Variants in OCA2 observed in about 807,000 individuals in gnomAD.
The protein encoded by OCA2 is OCA2 melanosomal transmembrane protein, also known as P protein.
A neutral mutation model predicts 100.2 loss-of-function variants in OCA2; 77 were observed. The observed-to-expected ratio is 0.77, with a 90% CI of 0.64 to 0.93. The LOEUF (loss-of-function observed/expected upper bound fraction) is 0.93. Among genes scored for constraint, OCA2 ranks in the 40% least tolerant of loss-of-function variants. OCA2 has a pLI of 0.00. For synonymous variants in OCA2, 432 were observed against 439.2 expected, an observed-to-expected ratio of 0.98 and a Z score of 0.21; for missense variants, 1,062 against 1,089.1, an observed-to-expected ratio of 0.98 and a Z score of 0.35.
At chr15:28,076,301 T>A (rs1428037653) in intron 2 of OCA2, among the ~76,000 whole-genome samples, 1 of 152,236 alleles carries the variant, frequency 6.6e-6, no homozygotes, top group African/African-American at 2.4e-5. Context: ...AACCAATCCA[T>A]GACAGATGTA....
At chr15:28,042,656 T>TAATAAATAAATA (rs764760430) in intron 2 of OCA2, among the ~76,000 whole-genome samples, 1 of 76,346 alleles carries the variant, frequency 1.3e-5, no homozygotes, top group East Asian at 5.7e-3. Context: ...AATAAATAAA[T>TAATAAATAAATA]AATAAATAAA....
chr15:27,734,108 C>G, the OCA2 span, among the ~76,000 whole-genome samples: 78 of 148,126 alleles, frequency 5.3e-4, no homozygotes, highest in African/African-American at 1.9e-3. Flanking sequence ...CGCAGTGGGC[C>G]AAGCTTACAC....
In OCA2 at chr15:27,957,798, T is replaced by C; in HGVS notation, c.1637-63A>G. ...ACCTCAGATATCAGCAACACCCTCC[T>C]CTGTTCCCCACACAGTCGATGCCTG... On this transcript the variant is annotated intron_variant, in intron 15 of 23. Coordinates refer to ENST00000354638, the MANE Select transcript of OCA2 (RefSeq NM_000275.3). This position sits in a 1 kb window ranked among gnomAD's most constrained non-coding sequence, Gnocchi z 4.3. 1 of 1,589,462 alleles carries C rather than the reference T, an allele frequency of 6.3e-7. No individual in the cohort carries two copies.
intron 2 of OCA2, among the ~76,000 whole-genome samples, chr15:28,034,610 TA>T (rs1025242649): frequency 6.6e-6 from 1 of 152,088 alleles, no homozygotes; most frequent in African/African-American, 2.4e-5. Flanking sequence ...ACCCTGTCTC[TA>T]AAAAAATTCA....
intron 1 of OCA2, among the ~76,000 whole-genome samples, chr15:28,086,054 A>G (rs1256719529): frequency 6.6e-6 from 1 of 152,230 alleles, no homozygotes; most frequent in Non-Finnish European, 1.5e-5. Flanking sequence ...CAAAAGGCTG[A>G]GTAGGGAGTT....
chr15:27,995,771 G>T (rs2041705557), intron 9 of OCA2, among the ~76,000 whole-genome samples: 1 of 151,006 alleles, frequency 6.6e-6, no homozygotes, highest in South Asian at 2.1e-4. Context: ...CATAACAGAA[G>T]GAAAATAGGG....
At chr15:27,831,271 C>T (rs548548546) in intron 23 of OCA2, among the ~76,000 whole-genome samples, 5 of 94,746 alleles carry the variant, frequency 5.3e-5, no homozygotes, top group South Asian at 4.5e-4. Flanking sequence ...GGTGACAGAG[C>T]GAGACTCCGT....
In OCA2 at chr15:27,845,044, TC is replaced by T; in HGVS notation, c.2346del (p.Thr783HisfsTer2). On this transcript the variant is annotated frameshift_variant, in exon 23 of 24. Transcript: ENST00000354638. LOFTEE classifies it high-confidence loss of function. The stretch of plus-strand genomic sequence containing the variant: ...ACGTTTGCCGACGCGCCAATCAGTG[TC>T]CCGTTACCTAAAGTCAAAATTTAAA... The part of the protein sequence containing the change: ...LAFGACLGGN[G>X]TLIGASANVV... 6.2e-7 allele frequency: 1 copy of T among 1,613,540 alleles called. No individual in the cohort carries two copies. Among genetic ancestry groups the T allele is most frequent in the Non-Finnish European group, 8.5e-7 (1 of 1,179,520 alleles).
intron 15 of OCA2, among the ~76,000 whole-genome samples, chr15:27,959,735 G>A (rs544468592): frequency 9.2e-5 from 14 of 152,274 alleles, no homozygotes; most frequent in Middle Eastern, 3.4e-3. Flanking sequence ...GTCTCTGTGC[G>A]ACTACTGCAG....
intron 23 of OCA2, among the ~76,000 whole-genome samples, chr15:27,784,216 C>T (rs1315776732): frequency 1.3e-5 from 2 of 152,122 alleles, no homozygotes; most frequent in African/African-American, 4.8e-5. Context: ...AAAGTGAGGA[C>T]GGAAAACACA....
Position 27,957,709 on chromosome 15 carries a change from G to T in OCA2, c.1663C>A (p.Arg555Ser). The change falls in exon 16 of 24, where the codon CGC becomes AGC. Residue 555 changes from arginine (R) to serine (S), a missense_variant. By Grantham distance (110) the Arg-to-Ser change is moderately radical. Transcript: ENST00000354638. This position sits in a 1 kb window ranked among gnomAD's most constrained non-coding sequence, Gnocchi z 4.3. ...GGGCTGATGCGCTGAGCAGTCAGGC[G>T]CCAGACGTGAATCTCGTGCTTCAGT... Reference protein sequence around the residue: ...VELKHEIHVWRLTAQRISPAS... With the variant: ...VELKHEIHVWSLTAQRISPAS... The T allele has an allele frequency of 6.2e-7, 1 of 1,613,114 alleles. No homozygotes were observed. Among genetic ancestry groups the T allele is most frequent in the South Asian group, 1.1e-5 (1 of 91,092 alleles).
chr15:28,015,060 G>A, intron 8 of OCA2, 131 bp from the exon 9 acceptor site: 2 of 967,964 alleles, frequency 2.1e-6, no homozygotes, highest in Non-Finnish European at 3.2e-6. Context: ...ACAGCTGGAA[G>A]AGCAGTGAGC....
intron 23 of OCA2, among the ~76,000 whole-genome samples, chr15:27,800,802 CA>C (rs36031742): frequency 0.026 from 3,551 of 137,722 alleles, 112 homozygotes; most frequent in African/African-American, 0.084. Context: ...CTATCTCTAC[CA>C]AAAAAAAAAA....
chr15:27,732,425 C>G, the OCA2 span, among the ~76,000 whole-genome samples: 1 of 152,142 alleles, frequency 6.6e-6, no homozygotes, highest in African/African-American at 2.4e-5. Context: ...CCCACCACAG[C>G]AGGCACAGTG....
chr15:27,990,468 G>A lies in OCA2; in HGVS notation c.1116+108C>T, dbSNP rs1394334750. On this transcript the variant is annotated intron_variant, in intron 10 of 23. Transcript: ENST00000354638. ...ATGGTTCTTGGGCAAAAACATGGACGTGGCATATAAAATAGTGAAAAAACC... is the reference window on the plus strand; with the variant it reads ...ATGGTTCTTGGGCAAAAACATGGACATGGCATATAAAATAGTGAAAAAACC... 109 of 1,073,332 alleles carry A rather than the reference G, an allele frequency of 1.0e-4. 1 individual carries two copies. In the South Asian group the frequency reaches 1.2e-3, roughly 12 times the overall value. 66.5% of individuals were successfully genotyped at this position (1,073,332 alleles called of 1,614,324 possible). A position where few individuals can be genotyped will look rare whatever the true frequency, so the allele number is the denominator to read the frequency against.
chr15:28,035,987 A>G (rs967058305), intron 2 of OCA2, among the ~76,000 whole-genome samples: 4 of 152,238 alleles, frequency 2.6e-5, no homozygotes, highest in African/African-American at 9.6e-5. Context: ...ATTCATACAT[A>G]TGAGTGCAGA....
At chr15:28,093,407 G>A (rs899476947) in intron 1 of OCA2, among the ~76,000 whole-genome samples, 58 of 42,244 alleles carry the variant, frequency 1.4e-3, no homozygotes, top group African/African-American at 3.6e-3. Flanking sequence ...GCAAAACACC[G>A]TCTCAAAAAA....
intron 23 of OCA2, among the ~76,000 whole-genome samples, chr15:27,842,886 A>G (rs1351479109): frequency 6.6e-6 from 1 of 152,176 alleles, no homozygotes; most frequent in Non-Finnish European, 1.5e-5. Context: ...AACTATGTGA[A>G]AAGTTCAGTG....
Position 27,966,741 on chromosome 15 carries a change from G to C in OCA2, c.1585C>G (p.Leu529Val). The change falls in exon 15 of 24, where the codon CTC (leucine) becomes GTC (valine). Residue 529 changes from leucine to valine, a missense_variant. Coordinates refer to ENST00000354638, the MANE Select transcript of OCA2 (RefSeq NM_000275.3). The part of the protein sequence containing the change: ...VLLVCFPLLR[L>V]LYWNRKLYNK... The stretch of plus-strand genomic sequence containing the variant: ...TAAAGCTTTCTGTTCCAGTAAAGGA[G>C]TCTGAGGAGCGGAAAGCAGACCAGG... The C allele has an allele frequency of 6.2e-7, 1 of 1,613,966 alleles. No individual in the cohort carries two copies. The highest frequency in any genetic ancestry group is 8.5e-7 in the Non-Finnish European group (1 of 1,180,000).
Sources: allele counts gnomAD v4.1 joint callset (sites outside exome capture counted in the v4.1 genomes callset), GRCh38; gene constraint gnomAD v4.1.1; non-coding constraint Gnocchi (gnomAD v3.1); transcripts MANE v1.5; gene names NCBI Gene and HGNC (gene_info 2026-07-23, HGNC 2026-07-21).